Variants in PTPRK observed in about 807,000 individuals in gnomAD.
PTPRK encodes receptor-type tyrosine-protein phosphatase kappa.
In PTPRK, 75 loss-of-function variants were observed where a neutral mutation model predicts 178.0. That is an observed-to-expected ratio of 0.42 (90% CI 0.35 to 0.51). The LOEUF (loss-of-function observed/expected upper bound fraction) is 0.51. Ranked by LOEUF, PTPRK falls within the 20% of genes least tolerant of loss-of-function variation. The pLI is 0.02. For synonymous variants in PTPRK, 637 were observed against 620.6 expected (o/e 1.03, Z -0.39); for missense variants, 1,441 against 1,797.8 (o/e 0.80, Z 3.59).
At chr6:128,187,361 A>C (rs538603409) in intron 6 of PTPRK, among the ~76,000 whole-genome samples, 4 of 152,276 alleles carry the variant, frequency 2.6e-5, no homozygotes, top group Admixed American at 2.6e-4. Flanking sequence ...GAAAACAAAA[A>C]TTTGTAGTCT....
At chr6:128,413,464 A>G (rs1038702810) in intron 1 of PTPRK, among the ~76,000 whole-genome samples, 1 of 152,154 alleles carries the variant, frequency 6.6e-6, no homozygotes, top group Non-Finnish European at 1.5e-5. Flanking sequence ...CAGTATAGGA[A>G]TGTCCTCTAG....
At chr6:128,287,410 C>CA (rs1822681400) in intron 3 of PTPRK, among the ~76,000 whole-genome samples, 1 of 152,202 alleles carries the variant, frequency 6.6e-6, no homozygotes, top group Non-Finnish European at 1.5e-5. Context: ...TCCACATTTT[C>CA]ATGAGCAAAT....
intron 13 of PTPRK, among the ~76,000 whole-genome samples, chr6:128,024,129 C>G (rs1773933251): frequency 6.6e-6 from 1 of 152,186 alleles, no homozygotes; most frequent in Non-Finnish European, 1.5e-5. Context: ...ATCACAGTAA[C>G]TCAATCCTTT....
At chr6:128,105,382 C>T (rs1187353490) in intron 7 of PTPRK, among the ~76,000 whole-genome samples, 9 of 152,152 alleles carry the variant, frequency 5.9e-5, no homozygotes, top group Non-Finnish European at 1.2e-4. Context: ...ATCCGCCCAC[C>T]TCAGCCTCCC....
chr6:128,067,388 G>C (rs762589055), intron 12 of PTPRK, 131 bp downstream of exon 12: 13 of 1,069,104 alleles, frequency 1.2e-5, no homozygotes, highest in Non-Finnish European at 7.6e-6. Context: ...ACACTGTTGA[G>C]AACAGAACCC....
intron 1 of PTPRK, among the ~76,000 whole-genome samples, chr6:128,484,531 T>C (rs970381800): frequency 2.0e-5 from 3 of 152,184 alleles, no homozygotes; most frequent in Admixed American, 2.0e-4. Context: ...AATTTCATTG[T>C]TGTTGAGCCA....
chr6:128,027,424 A>T (rs1774494550), intron 13 of PTPRK, among the ~76,000 whole-genome samples: 1 of 152,208 alleles, frequency 6.6e-6, no homozygotes, highest in Non-Finnish European at 1.5e-5. Context: ...ACATTCAAAG[A>T]GTTCAAAGAG....
At position 128,291,565 on chromosome 6, in the gene PTPRK, TG is replaced by T. The variant is rs904335149; in HGVS notation, c.495+30473del. Among the ~76,000 whole-genome samples the T allele has an allele frequency of 5.1e-4, 78 of 152,136 alleles. 1 individual carries two copies. Among genetic ancestry groups the T allele is most frequent in the Non-Finnish European group, 2.8e-4 (19 of 68,004 alleles). ...AAATCCCTGTACTTTCATTGGTCCATGTTGTTTTGCAATCAATACCCATTGA... is the reference window on the plus strand; with the variant it reads ...AAATCCCTGTACTTTCATTGGTCCATTTGTTTTGCAATCAATACCCATTGA... On this transcript the variant is annotated intron_variant, in intron 3 of 29. Transcript: ENST00000368226.
chr6:128,015,676 C>A (rs1779519643), intron 13 of PTPRK, among the ~76,000 whole-genome samples: 1 of 151,796 alleles, frequency 6.6e-6, no homozygotes, highest in Admixed American at 6.6e-5. Flanking sequence ...TCAACCTCAT[C>A]TTCTGAGACA....
chr6:128,506,578 T>C (rs1215487759), intron 1 of PTPRK, among the ~76,000 whole-genome samples: 1 of 149,096 alleles, frequency 6.7e-6, no homozygotes, highest in Non-Finnish European at 1.5e-5. Context: ...GAGTTTTGCT[T>C]GAGCCCAGGA....
chr6:128,000,059 T>C (rs1218483434), intron 15 of PTPRK: 5 of 968,270 alleles, frequency 5.2e-6, no homozygotes, highest in Non-Finnish European at 6.1e-6. Context: ...CTCATATTTA[T>C]CACATTTAAA....
At chr6:128,261,532 T>C (rs1430577478) in intron 3 of PTPRK, among the ~76,000 whole-genome samples, 2 of 152,100 alleles carry the variant, frequency 1.3e-5, no homozygotes, top group African/African-American at 4.8e-5. Flanking sequence ...ATGTCTATAG[T>C]TATTACAGGG....
intron 13 of PTPRK, among the ~76,000 whole-genome samples, chr6:128,046,473 G>A (rs1034549482): frequency 1.3e-5 from 2 of 152,086 alleles, no homozygotes; most frequent in Admixed American, 6.6e-5. Flanking sequence ...CCACATCCCT[G>A]CCCAAAGTTT....
intron 3 of PTPRK, among the ~76,000 whole-genome samples, chr6:128,301,349 T>C (rs932656910): frequency 1.3e-5 from 2 of 151,998 alleles, no homozygotes; most frequent in Non-Finnish European, 2.9e-5. Flanking sequence ...TAAACCAAAA[T>C]GATAATTTTT....
intron 21 of PTPRK, among the ~76,000 whole-genome samples, chr6:127,989,876 C>T (rs1237363733): frequency 6.6e-6 from 1 of 151,700 alleles, no homozygotes; most frequent in African/African-American, 2.4e-5. Flanking sequence ...TAAACAATCG[C>T]AAGGTTCTTC....
At chr6:128,348,692 G>A (rs1005145537) in intron 2 of PTPRK, among the ~76,000 whole-genome samples, 20 of 151,830 alleles carry the variant, frequency 1.3e-4, no homozygotes, top group Admixed American at 3.3e-4. Context: ...TATAATGGTC[G>A]AATTGAAGAG....
At chr6:128,047,010 A>G (rs1412844929) in intron 13 of PTPRK, among the ~76,000 whole-genome samples, 2 of 152,330 alleles carry the variant, frequency 1.3e-5, no homozygotes, top group East Asian at 3.9e-4. Context: ...CAAAGGCAGC[A>G]TCAGACAAAA....
intron 2 of PTPRK, among the ~76,000 whole-genome samples, chr6:128,384,944 T>C (rs919102749): frequency 6.6e-6 from 1 of 151,496 alleles, no homozygotes; most frequent in Non-Finnish European, 1.5e-5. Flanking sequence ...CAGGATAGTA[T>C]TATACATATT....
intron 2 of PTPRK, among the ~76,000 whole-genome samples, chr6:128,354,165 T>C (rs114756910): frequency 0.011 from 1,684 of 151,710 alleles, 32 homozygotes; most frequent in African/African-American, 0.039. Flanking sequence ...ATTATCATAT[T>C]CCTTACTAAG....
Sources: gnomAD v4.1 joint callset for allele counts (sites outside exome capture counted in the v4.1 genomes callset) on GRCh38, gnomAD v4.1.1 for gene constraint, MANE v1.5 for transcripts, NCBI Gene and HGNC (gene_info 2026-07-23, HGNC 2026-07-21) for gene names.